The following NEGR1 variants were observed in gnomAD, a reference collection of about 807,000 sequenced individuals.
NEGR1 encodes the protein IgLON family member 4.
NEGR1 carries 10 observed loss-of-function variants against 40.9 expected under a neutral mutation model. That is an observed-to-expected ratio of 0.24 (90% CI 0.15 to 0.42). The LOEUF is 0.42. Ranked by LOEUF, NEGR1 falls within the 10% of genes least tolerant of loss-of-function variation. NEGR1 has a pLI of 1.00. For synonymous variants in NEGR1, 185 were observed against 166.8 expected (o/e 1.11, Z -0.84); for missense variants, 352 against 438.9 (o/e 0.80, Z 1.77).
chr1:72,141,614 G>A (rs1327261034), intron 1 of NEGR1, among the ~76,000 whole-genome samples: 1 of 151,980 alleles, frequency 6.6e-6, no homozygotes, highest in Non-Finnish European at 1.5e-5. Flanking sequence ...TGGTCAAAGA[G>A]TGACAGTCTG....
intron 1 of NEGR1, among the ~76,000 whole-genome samples, chr1:72,049,151 G>A (rs61063497): frequency 0.025 from 3,713 of 151,314 alleles, 143 homozygotes; most frequent in African/African-American, 0.085. Flanking sequence ...ACAGCAAGAC[G>A]TCTCTAAAGA....
chr1:72,091,281 G>C (rs951217586), intron 1 of NEGR1, among the ~76,000 whole-genome samples: 2 of 152,086 alleles, frequency 1.3e-5, no homozygotes, highest in African/African-American at 2.4e-5. Flanking sequence ...TGGTGACAAT[G>C]ACGATATTAT....
chr1:71,834,568 T>A (rs1658950903), intron 2 of NEGR1, among the ~76,000 whole-genome samples: 2 of 151,750 alleles, frequency 1.3e-5, no homozygotes, highest in Admixed American at 6.6e-5. Context: ...CTGGATATTA[T>A]ACTTTCAGAA....
chr1:71,929,844 G>C (rs926255127), intron 2 of NEGR1, among the ~76,000 whole-genome samples: 2 of 151,372 alleles, frequency 1.3e-5, no homozygotes, highest in African/African-American at 4.9e-5. Context: ...TTCTCTTTCA[G>C]TGTGCACCTT....
chr1:71,698,129 A>G lies in NEGR1; in HGVS notation c.546T>C (p.Phe182=). The G allele has an allele frequency of 6.2e-7, 1 of 1,610,452 alleles. No homozygotes were observed. Among genetic ancestry groups the G allele is most frequent in the South Asian group, 1.1e-5 (1 of 90,820 alleles). The change falls in exon 4 of 7, where the codon TTT becomes TTC. Residue 182 remains phenylalanine, a synonymous_variant. Transcript: ENST00000357731. ...WRHISPSAKP[F]ENGQYLDIYG... is the part of the protein sequence containing the mutation. ...AAATGTCCAAATATTGTCCATTTTC[A>G]AATGGTTTTGCTATAAAAAAGAATA...
At chr1:71,663,339 G>GTTA (rs1030160297) in intron 4 of NEGR1, among the ~76,000 whole-genome samples, 1 of 151,904 alleles carries the variant, frequency 6.6e-6, no homozygotes, top group Non-Finnish European at 1.5e-5. Flanking sequence ...TTCTTATCAT[G>GTTA]TTATTATTTT....
chr1:72,009,514 C>T (rs1006879019), intron 1 of NEGR1, among the ~76,000 whole-genome samples: 11 of 151,834 alleles, frequency 7.2e-5, no homozygotes, highest in African/African-American at 2.2e-4. Context: ...ATAAAAAGTA[C>T]GATCTTAAGA....
chr1:72,216,159 G>A (rs879661273), intron 1 of NEGR1, among the ~76,000 whole-genome samples: 3 of 151,670 alleles, frequency 2.0e-5, no homozygotes, highest in Non-Finnish European at 4.4e-5. Flanking sequence ...GTCGTACAAC[G>A]AGAATGCTTG....
intron 4 of NEGR1, among the ~76,000 whole-genome samples, chr1:71,662,518 T>A (rs1476382383): frequency 1.3e-5 from 2 of 152,130 alleles, no homozygotes; most frequent in Non-Finnish European, 2.9e-5. Flanking sequence ...ATTAATAAGA[T>A]ATTTAAGTTT....
At chr1:72,153,054 C>A (rs983221625) in intron 1 of NEGR1, among the ~76,000 whole-genome samples, 1 of 151,738 alleles carries the variant, frequency 6.6e-6, no homozygotes, top group Non-Finnish European at 1.5e-5. Context: ...AGGATCCATA[C>A]CCTAAACCTC....
At chr1:71,546,667 G>A (rs1397715663) in intron 6 of NEGR1, among the ~76,000 whole-genome samples, 1 of 151,644 alleles carries the variant, frequency 6.6e-6, no homozygotes, top group East Asian at 2.0e-4. Context: ...TGGAAACTGA[G>A]TACCTGTACA....
intron 2 of NEGR1, among the ~76,000 whole-genome samples, chr1:71,898,895 GCAAA>G (rs1661051163): frequency 8.3e-6 from 1 of 120,832 alleles, no homozygotes; most frequent in African/African-American, 3.3e-5. Flanking sequence ...TATATATATT[GCAAA>G]TATATATATA....
At chr1:72,121,602 CCTT>C (rs1649808341) in intron 1 of NEGR1, among the ~76,000 whole-genome samples, 1 of 151,830 alleles carries the variant, frequency 6.6e-6, no homozygotes, top group Admixed American at 6.6e-5. Context: ...TACCCTCTCT[CCTT>C]GTTACAGAAA....
At chr1:72,119,230 T>C (rs530454965) in intron 1 of NEGR1, among the ~76,000 whole-genome samples, 1 of 152,072 alleles carries the variant, frequency 6.6e-6, no homozygotes, top group African/African-American at 2.4e-5. Context: ...CATTAATATA[T>C]AAATTCATAT....
intron 1 of NEGR1, among the ~76,000 whole-genome samples, chr1:71,965,306 T>C (rs759835092): frequency 3.3e-5 from 5 of 152,166 alleles, no homozygotes; most frequent in Non-Finnish European, 7.4e-5. Context: ...TTTCTCATCA[T>C]AAACAAGACA....
At chr1:72,159,441 A>G (rs1357362485) in intron 1 of NEGR1, among the ~76,000 whole-genome samples, 1 of 152,168 alleles carries the variant, frequency 6.6e-6, no homozygotes, top group African/African-American at 2.4e-5. Flanking sequence ...ATGGGTCACT[A>G]GATTCTGCAC....
rs1283112041 is a variant in NEGR1, at chr1:71,898,883, TATATATATATTGCAA to T, written c.409+36181_409+36195del. Among the ~76,000 whole-genome samples, 4 of 73,854 alleles carry T rather than the reference TATATATATATTGCAA, an allele frequency of 5.4e-5. No homozygotes were observed. In the East Asian group the frequency reaches 3.2e-3, roughly 60 times the overall value. 48.5% of individuals were successfully genotyped at this position (73,854 alleles called of 152,430 possible). On this transcript the variant is annotated intron_variant, in intron 2 of 6. Coordinates refer to ENST00000357731, the MANE Select transcript of NEGR1 (RefSeq NM_173808.3). ...ATATTGCAAATATATATATTGCAAA[TATATATATATTGCAA>T]ATATATATATATTGCAAATATATAT...
At chr1:72,185,452 CAATTCCTTGTG>C (rs1652577778) in intron 1 of NEGR1, among the ~76,000 whole-genome samples, 1 of 151,762 alleles carries the variant, frequency 6.6e-6, no homozygotes, top group Admixed American at 6.6e-5. Context: ...ATAAACTTAG[CAATTCCTTGTG>C]CAGAGTCTGA....
chr1:72,159,617 C>A (rs907384002), intron 1 of NEGR1, among the ~76,000 whole-genome samples: 1 of 152,084 alleles, frequency 6.6e-6, no homozygotes, highest in Non-Finnish European at 1.5e-5. Context: ...ACTTAAAGAA[C>A]ATAGAAGAAT....
Sources: allele counts gnomAD v4.1 joint callset (sites outside exome capture counted in the v4.1 genomes callset), GRCh38; gene constraint gnomAD v4.1.1; transcripts MANE v1.5; gene names NCBI Gene and HGNC (gene_info 2026-07-23, HGNC 2026-07-21).